RAB10: variants seen among roughly 807,000 people sequenced by gnomAD.
RAB10 encodes RAB10, member RAS oncogene family.
A neutral mutation model predicts 25.7 loss-of-function variants in RAB10; 5 were observed. That is an observed-to-expected ratio of 0.19 (90% CI 0.10 to 0.41). The LOEUF (loss-of-function observed/expected upper bound fraction) is 0.41. Ranked by LOEUF, RAB10 falls within the 10% of genes least tolerant of loss-of-function variation. RAB10 has a pLI of 1.00. For synonymous variants in RAB10, 89 were observed against 86.4 expected, an observed-to-expected ratio of 1.03 and a Z score of -0.16; for missense variants, 103 against 245.8, an observed-to-expected ratio of 0.42 and a Z score of 3.89.
At chr2:26,092,241 A>C (rs1667121597) in intron 1 of RAB10, among the ~76,000 whole-genome samples, 1 of 148,758 alleles carries the variant, frequency 6.7e-6, no homozygotes, top group Non-Finnish European at 1.5e-5. Flanking sequence ...GAACATGGAG[A>C]TCATTGATCA....
chr2:26,094,761 A>G (rs1203884813), intron 1 of RAB10, among the ~76,000 whole-genome samples: 1 of 150,806 alleles, frequency 6.6e-6, no homozygotes, highest in Non-Finnish European at 1.5e-5. Flanking sequence ...GTTTCACCAC[A>G]TTGGCCAGGC....
intron 1 of RAB10, among the ~76,000 whole-genome samples, chr2:26,066,012 A>C (rs1020797939): frequency 2.0e-5 from 3 of 152,220 alleles, no homozygotes; most frequent in African/African-American, 7.2e-5. Flanking sequence ...TTTTATCTTC[A>C]GTGTTACATG....
intron 1 of RAB10, among the ~76,000 whole-genome samples, chr2:26,053,807 C>T (rs1666186361): frequency 6.6e-6 from 1 of 152,040 alleles, no homozygotes; most frequent in African/African-American, 2.4e-5. Context: ...GCAACTTCTG[C>T]CTTCCGGGTT....
chr2:26,123,941 C>T (rs1184135799), intron 3 of RAB10, among the ~76,000 whole-genome samples: 3 of 152,184 alleles, frequency 2.0e-5, no homozygotes, highest in Non-Finnish European at 4.4e-5. Context: ...TCTGCCTTCC[C>T]TGAGACAGCA....
chr2:26,109,388 A>G (rs891514573), intron 2 of RAB10, among the ~76,000 whole-genome samples: 4 of 152,130 alleles, frequency 2.6e-5, no homozygotes, highest in East Asian at 1.9e-4. Context: ...TTTCTGTCTT[A>G]TTATTTATAA....
At chr2:26,033,303 C>T (rs1665666554), upstream of RAB10, among the ~76,000 whole-genome samples, 1 of 152,158 alleles carries the variant, frequency 6.6e-6, no homozygotes, top group Admixed American at 6.6e-5. Flanking sequence ...ACGGCAAAGG[C>T]CTGAAGCAGG....
At chr2:26,109,568 T>C (rs964698306) in intron 2 of RAB10, among the ~76,000 whole-genome samples, 200 bp from the exon 3 acceptor site, 16 of 152,236 alleles carry the variant, frequency 1.1e-4, no homozygotes, top group Admixed American at 9.2e-4. Flanking sequence ...TTGCTAGTGC[T>C]TATTCAATAA....
chr2:26,134,189 C>T (rs1346857497), intron 5 of RAB10, among the ~76,000 whole-genome samples: 1 of 152,064 alleles, frequency 6.6e-6, no homozygotes, highest in Non-Finnish European at 1.5e-5. Context: ...GATCATAGCC[C>T]ACTGCAGCCT....
In RAB10 at chr2:26,054,531, G is replaced by A. The variant is rs537718441; in HGVS notation, c.127+19796G>A. 4.3e-4 allele frequency among the ~76,000 whole-genome samples: 65 copies of A among 152,234 alleles called. 2 individuals carry two copies. The South Asian group carries it at 0.013, about 30-fold the overall frequency. On this transcript the variant is annotated intron_variant, in intron 1 of 5. Transcript: ENST00000264710. ...CTAAAAAATCTAGTAGTTTCTTTTT[G>A]CATATTTTAATGTGGGGATATATAT... is the stretch of plus-strand genomic sequence containing the variant.
At chr2:26,121,650 C>T (rs924133044) in intron 3 of RAB10, among the ~76,000 whole-genome samples, 1 of 152,108 alleles carries the variant, frequency 6.6e-6, no homozygotes, top group African/African-American at 2.4e-5. Flanking sequence ...AGATACTAGT[C>T]TATTTTATTA....
chr2:26,137,340 C>G lies in RAB10; in HGVS notation c.*2319C>G, dbSNP rs768988261. 2 of 152,628 alleles carry G rather than the reference C, an allele frequency of 1.3e-5. No individual in the cohort carries two copies. The highest frequency in any genetic ancestry group is 2.9e-5 in the Non-Finnish European group (2 of 68,034). 9.5% of individuals were successfully genotyped at this position (152,628 alleles called of 1,614,324 possible). On this transcript the variant is annotated 3_prime_UTR_variant, in exon 6 of 6. Transcript: ENST00000264710. ...TCATTAAACACCAAACAGTTAAGTC[C>G]ATTCTCTGGTACTAGCTACAAATTC...
rs1287829287 is a variant in RAB10, at chr2:26,135,412, T to C, written c.*391T>C. Reference sequence around the variant, plus strand: ...TGTACAACAGTGGAATTTTCTGTCATGGATAATGTGCTTGAGTCCCTATAA... The same window carrying C: ...TGTACAACAGTGGAATTTTCTGTCACGGATAATGTGCTTGAGTCCCTATAA... On this transcript the variant is annotated 3_prime_UTR_variant, in exon 6 of 6. Transcript: ENST00000264710. The C allele has an allele frequency of 6.3e-6, 1 of 158,270 alleles. No individual in the cohort carries two copies. Among genetic ancestry groups the C allele is most frequent in the East Asian group, 1.8e-4 (1 of 5,446 alleles). The allele number at this position is 158,270 out of a possible 1,614,324, so 9.8% of individuals were successfully genotyped here.
intron 3 of RAB10, among the ~76,000 whole-genome samples, chr2:26,120,486 G>T (rs1384702728): frequency 6.6e-6 from 1 of 152,172 alleles, no homozygotes; most frequent in East Asian, 1.9e-4. Flanking sequence ...CTGGTATATT[G>T]CTGCTTATTA....
intron 1 of RAB10, among the ~76,000 whole-genome samples, chr2:26,061,092 C>CTTTTTT (rs5829993): frequency 5.5e-4 from 46 of 83,640 alleles, no homozygotes; most frequent in South Asian, 1.7e-3. Context: ...TTATCTCTGT[C>CTTTTTT]TTTTTTTTTT....
At chr2:26,073,356 C>A (rs1226920113) in intron 1 of RAB10, among the ~76,000 whole-genome samples, 1 of 152,194 alleles carries the variant, frequency 6.6e-6, no homozygotes, top group African/African-American at 2.4e-5. Flanking sequence ...AGAGGTATCC[C>A]TTTGCTGATT....
chr2:26,061,466 A>G (rs1666392727), intron 1 of RAB10, among the ~76,000 whole-genome samples: 1 of 151,954 alleles, frequency 6.6e-6, no homozygotes, highest in Non-Finnish European at 1.5e-5. Flanking sequence ...AGACTAGAGA[A>G]CAGTGGCACA....
At chr2:26,055,930 C>T (rs868868637) in intron 1 of RAB10, among the ~76,000 whole-genome samples, 1 of 151,504 alleles carries the variant, frequency 6.6e-6, no homozygotes, top group Non-Finnish European at 1.5e-5. Flanking sequence ...GGGTCTCACT[C>T]TGTCACCCAG....
rs543358629 is a variant in RAB10, at chr2:26,054,040, T to C, written c.127+19305T>C. On this transcript the variant is annotated intron_variant, in intron 1 of 5. Transcript: ENST00000264710. ...TTTTTTTTTTTTTCCCTTCTGTTCT[T>C]TTTTTTTTTTTTTTCCTGTTTTTTT... is the stretch of plus-strand genomic sequence containing the variant. Among the ~76,000 whole-genome samples, 106 of 142,896 alleles carry C rather than the reference T, an allele frequency of 7.4e-4. 1 individual carries two copies. The highest frequency in any genetic ancestry group is 2.7e-3 in the African/African-American group (101 of 37,834). The allele number at this position is 142,896 out of a possible 152,430, so 93.7% of individuals were successfully genotyped here.
chr2:26,113,079 C>T (rs991514854), intron 3 of RAB10, among the ~76,000 whole-genome samples: 21 of 151,876 alleles, frequency 1.4e-4, no homozygotes, highest in African/African-American at 3.6e-4. Flanking sequence ...AGTGCAACTC[C>T]GTCTCAAAAA....
Sources: allele counts gnomAD v4.1 joint callset (sites outside exome capture counted in the v4.1 genomes callset), GRCh38; gene constraint gnomAD v4.1.1; transcripts MANE v1.5; gene names NCBI Gene and HGNC (gene_info 2026-07-23, HGNC 2026-07-21).